ANKHD1: variants seen among roughly 807,000 people sequenced by gnomAD.
ANKHD1 encodes ankyrin repeat and KH domain-containing protein 1.
ANKHD1 carries 31 observed loss-of-function variants against 230.5 expected under a neutral mutation model. That is an observed-to-expected ratio of 0.13 (90% CI 0.10 to 0.18). ANKHD1 has a LOEUF of 0.18. Among genes scored for constraint, ANKHD1 ranks in the 10% least tolerant of loss-of-function variants. The pLI is 1.00. For synonymous variants in ANKHD1, 1,074 were observed against 1,117.6 expected (o/e 0.96, Z 0.78); for missense variants, 2,256 against 3,071.3 (o/e 0.73, Z 6.27).
intron 11 of ANKHD1, among the ~76,000 whole-genome samples, chr5:140,482,911 A>T (rs1030297457): frequency 7.9e-5 from 12 of 152,214 alleles, no homozygotes; most frequent in African/African-American, 2.9e-4. Context: ...CAACTTAGAA[A>T]AGCCAAATGT....
intron 1 of ANKHD1, among the ~76,000 whole-genome samples, chr5:140,411,176 A>G (rs1401133819): frequency 6.6e-6 from 1 of 152,110 alleles, no homozygotes; most frequent in African/African-American, 2.4e-5. Flanking sequence ...TTTGACAAAT[A>G]CTCTTCCTAC....
chr5:140,529,092 A>G lies in ANKHD1; in HGVS notation c.6146A>G (p.Asn2049Ser), dbSNP rs1452034620. 2 of 1,614,054 alleles carry G rather than the reference A, an allele frequency of 1.2e-6. No homozygotes were observed. The highest frequency in any genetic ancestry group is 2.2e-5 in the South Asian group (2 of 91,076). The change falls in exon 29 of 34, where the codon AAC becomes AGC. Residue 2049 changes from asparagine to serine, a missense_variant. By Grantham distance (46) the Asn-to-Ser change is conservative (BLOSUM62 1). Transcript: ENST00000360839. ...CTATGTACCCCATCTTCAACTGCAAACAGTTGCAGTAGCTCTGCCAGCAAC... is the reference window on the plus strand; with the variant it reads ...CTATGTACCCCATCTTCAACTGCAAGCAGTTGCAGTAGCTCTGCCAGCAAC... ...ANLCTPSSTA[N>S]SCSSSASNTP... is the part of the protein sequence containing the mutation.
intron 1 of ANKHD1, among the ~76,000 whole-genome samples, chr5:140,435,436 G>A (rs1205719625): frequency 1.3e-5 from 2 of 150,010 alleles, no homozygotes; most frequent in Non-Finnish European, 3.0e-5. Flanking sequence ...AGAGTACAAT[G>A]GCACGATCTC....
chr5:140,470,610 G>GC (rs1472883980), intron 10 of ANKHD1, among the ~76,000 whole-genome samples: 1 of 76,016 alleles, frequency 1.3e-5, no homozygotes, highest in Non-Finnish European at 2.9e-5. Flanking sequence ...ACTTGTTTCT[G>GC]CTTTTTTTTT....
At chr5:140,491,121 T>C (rs368541074) in intron 14 of ANKHD1, among the ~76,000 whole-genome samples, 178 of 64,134 alleles carry the variant, frequency 2.8e-3, no homozygotes, top group South Asian at 0.021. Context: ...CACACACACA[T>C]ATATATATAT....
At chr5:140,525,507 C>G (rs1727095650) in intron 25 of ANKHD1, among the ~76,000 whole-genome samples, 1 of 152,202 alleles carries the variant, frequency 6.6e-6, no homozygotes, top group Non-Finnish European at 1.5e-5. Flanking sequence ...AGTAATCAAT[C>G]CACCTGCCTT....
At chr5:140,496,378 C>T (rs1020392739) in intron 14 of ANKHD1, 142 bp from the exon 15 acceptor site, 6 of 836,014 alleles carry the variant, frequency 7.2e-6, no homozygotes, top group Non-Finnish European at 8.4e-6. Flanking sequence ...AACATTCATT[C>T]TATAACATTA....
chr5:140,526,025 A>C lies in ANKHD1; in HGVS notation c.4522A>C (p.Ser1508Arg). 1.3e-6 allele frequency: 2 copies of C among 1,595,140 alleles called. No individual in the cohort carries two copies. Among genetic ancestry groups the C allele is most frequent in the Non-Finnish European group, 1.7e-6 (2 of 1,174,916 alleles). ...VEQEVPIEPP[S>R]ATTTTTIGIS... ...GCAAGAAGTTCCCATAGAACCTCCTAGTGCAACCACCACCACTACGATTGG... is the reference window on the plus strand; with the variant it reads ...GCAAGAAGTTCCCATAGAACCTCCTCGTGCAACCACCACCACTACGATTGG... The change falls in exon 26 of 34, where the codon AGT becomes CGT. Residue 1508 changes from serine (S) to arginine (R), a missense_variant. This residue lies in a region of ANKHD1 where 212 missense variants were observed against 257.3 expected (regional missense o/e 0.82). Coordinates refer to ENST00000360839, the MANE Select transcript of ANKHD1 (RefSeq NM_017747.3).
intron 1 of ANKHD1, among the ~76,000 whole-genome samples, chr5:140,402,608 C>T (rs964644583): frequency 4.6e-5 from 7 of 152,198 alleles, no homozygotes; most frequent in African/African-American, 1.4e-4. Flanking sequence ...AGTCCCTGCC[C>T]TTGGTACTGA....
chr5:140,424,633 A>T (rs1442401527), intron 1 of ANKHD1, among the ~76,000 whole-genome samples: 1 of 152,216 alleles, frequency 6.6e-6, no homozygotes, highest in Non-Finnish European at 1.5e-5. Flanking sequence ...TTACCTAAGA[A>T]ATGGGAGGGA....
intron 22 of ANKHD1, 115 bp downstream of exon 22, chr5:140,510,296 C>T: frequency 1.7e-5 from 16 of 964,784 alleles, no homozygotes; most frequent in Admixed American, 7.2e-5. Context: ...AAAATCACTG[C>T]TATCTTTCCA....
chr5:140,488,162 A>G (rs1751589092), intron 14 of ANKHD1, among the ~76,000 whole-genome samples: 1 of 152,202 alleles, frequency 6.6e-6, no homozygotes, highest in Admixed American at 6.5e-5. Flanking sequence ...TAATCAGCTG[A>G]TATTTAACCT....
intron 9 of ANKHD1, among the ~76,000 whole-genome samples, chr5:140,463,471 C>T (rs540239493): frequency 2.6e-5 from 4 of 152,260 alleles, no homozygotes; most frequent in Admixed American, 2.6e-4. Context: ...AGACCACAAT[C>T]TAAGCTAGAG....
intron 10 of ANKHD1, among the ~76,000 whole-genome samples, chr5:140,474,012 G>T (rs574474525): frequency 6.6e-6 from 1 of 152,092 alleles, no homozygotes; most frequent in African/African-American, 2.4e-5. Context: ...CATTGGTAGA[G>T]GCCATACAGA....
rs199690589 is a variant in ANKHD1, at chr5:140,507,970, G to A, written c.3737G>A (p.Arg1246Gln). 5 of 1,613,888 alleles carry A rather than the reference G, an allele frequency of 3.1e-6. No homozygotes were observed. The highest frequency in any genetic ancestry group is 2.7e-5 in the African/African-American group (2 of 75,034). Reference protein sequence around the residue: ...RAEVVSLLLDRKANVEHRAKT... With the variant: ...RAEVVSLLLDQKANVEHRAKT... ...GAAGTAGTGAGTTTGCTTCTGGACC[G>A]AAAAGCCAATGTTGAACATAGGGCA... The change falls in exon 20 of 34, where the codon CGA (arginine) becomes CAA (glutamine). Residue 1246 changes from arginine to glutamine, a missense_variant. Physicochemically the swap from Arg to Gln is conservative, Grantham distance 43 (BLOSUM62 1). Around this residue, in one of 13 missense-constraint regions of ANKHD1, gnomAD observed 195 missense variants for 340.3 expected, o/e 0.57. Transcript: ENST00000360839. The surrounding 1 kb of genome is among the most constrained non-coding windows in gnomAD (Gnocchi z 4.1).
chr5:140,482,659 T>C lies in ANKHD1; in HGVS notation c.1862T>C (p.Ile621Thr), dbSNP rs767715649. 1.2e-6 allele frequency: 2 copies of C among 1,612,076 alleles called. No homozygotes were observed. Among genetic ancestry groups the C allele is most frequent in the Admixed American group, 1.7e-5 (1 of 59,862 alleles). ...CATTTGTGCACTGTGCAGTTTCTTA[T>C]TAGCAAAGGTAAAGAAAGGGCAAGT... ...AGHLCTVQFLISKGANVNRAT... is the reference protein window; with the variant it reads ...AGHLCTVQFLTSKGANVNRAT... The change falls in exon 11 of 34, where the codon ATT becomes ACT. Residue 621 changes from isoleucine (I) to threonine (T), a missense_variant. By Grantham distance (89) the Ile-to-Thr change is moderately conservative (BLOSUM62 -1). Transcript: ENST00000360839.
Position 140,529,455 on chromosome 5 carries a change from C to T in ANKHD1, c.6509C>T (p.Pro2170Leu), listed in dbSNP as rs369713929. ...ACGAATCCAGTTACTTTAACACCAC[C>T]TCAAGGCCCACCAGCTGCAGTGCAG... ...FVTNPVTLTP[P>L]QGPPAAVQLS... Residue 2170 changes from proline (P) to leucine (L), a missense_variant, in exon 29 of 34, where the codon CCT becomes CTT. Pro to Leu is a moderately conservative substitution (Grantham distance 98). Transcript: ENST00000360839. 1.9e-6 allele frequency: 3 copies of T among 1,614,110 alleles called. No individual in the cohort carries two copies. In the African/African-American group the frequency reaches 4.0e-5, roughly 22 times the overall value.
intron 24 of ANKHD1, among the ~76,000 whole-genome samples, chr5:140,520,933 A>T (rs1278390750): frequency 3.9e-5 from 6 of 151,980 alleles, no homozygotes; most frequent in African/African-American, 1.4e-4. Context: ...GTATAATAAA[A>T]AAAAAAAAAA....
intron 1 of ANKHD1, among the ~76,000 whole-genome samples, chr5:140,403,182 T>A (rs1770126195): frequency 6.6e-6 from 1 of 151,886 alleles, no homozygotes; most frequent in Admixed American, 6.6e-5. Flanking sequence ...TTGGTCAGGC[T>A]GGTCTCGAAC....
Sources: allele counts gnomAD v4.1 joint callset (sites outside exome capture counted in the v4.1 genomes callset), GRCh38; gene constraint gnomAD v4.1.1; regional missense constraint gnomAD v4.1.1; non-coding constraint Gnocchi (gnomAD v3.1); transcripts MANE v1.5; gene names NCBI Gene and HGNC (gene_info 2026-07-23, HGNC 2026-07-21).